The following ERC2 variants were observed in gnomAD, a reference collection of about 807,000 sequenced individuals.
ERC2 encodes the protein ELKS/RAB6-interacting/CAST family member 2, also known as ERC protein 2.
Under a neutral mutation model 114.8 loss-of-function variants are expected in ERC2, and 42 were observed. The ratio of observed to expected loss-of-function variants is 0.37; its 90% CI spans 0.29 to 0.47. ERC2 has a LOEUF of 0.47. Ranked by LOEUF, ERC2 falls within the 20% of genes least tolerant of loss-of-function variation. The probability of loss-of-function intolerance (pLI) is 0.99; values close to 1 mark genes in which losing one functional copy is unlikely to be tolerated. For synonymous variants in ERC2, 454 were observed against 425.5 expected (o/e 1.07, Z -0.82); for missense variants, 939 against 1,150.7 (o/e 0.82, Z 2.66).
At chr3:55,630,919 A>G (rs1384854473) in intron 17 of ERC2, among the ~76,000 whole-genome samples, 2 of 152,090 alleles carry the variant, frequency 1.3e-5, no homozygotes, top group Non-Finnish European at 2.9e-5. Context: ...ACATAAAAAT[A>G]AGAAAGAAGG....
chr3:56,410,603 G>T (rs181309236), intron 2 of ERC2, among the ~76,000 whole-genome samples: 90 of 152,172 alleles, frequency 5.9e-4, no homozygotes, highest in Middle Eastern at 6.8e-3. Context: ...TGAGTTTTCT[G>T]GGGGGGTTGT....
intron 15 of ERC2, among the ~76,000 whole-genome samples, chr3:55,731,094 G>A (rs929096635): frequency 1.3e-5 from 2 of 152,192 alleles, no homozygotes; most frequent in Non-Finnish European, 2.9e-5. Context: ...AAGTACATGC[G>A]CAAGTACAGG....
At chr3:55,635,946 G>A (rs184100551) in intron 17 of ERC2, among the ~76,000 whole-genome samples, 83 of 150,644 alleles carry the variant, frequency 5.5e-4, no homozygotes, top group Admixed American at 1.1e-3. Context: ...TGGTGTGATC[G>A]GCTCACTGCA....
At chr3:55,538,172 C>T (rs1470658337) in intron 17 of ERC2, among the ~76,000 whole-genome samples, 2 of 152,214 alleles carry the variant, frequency 1.3e-5, no homozygotes, top group African/African-American at 4.8e-5. Flanking sequence ...ATCTGAATTT[C>T]ACATCAACCC....
At chr3:56,230,530 G>A (rs2050551882) in intron 3 of ERC2, among the ~76,000 whole-genome samples, 1 of 152,080 alleles carries the variant, frequency 6.6e-6, no homozygotes, top group Non-Finnish European at 1.5e-5. Context: ...AAAGTGCTGG[G>A]ATTACAGACA....
At chr3:55,839,550 A>C (rs2061039799) in intron 14 of ERC2, among the ~76,000 whole-genome samples, 1 of 151,906 alleles carries the variant, frequency 6.6e-6, no homozygotes, top group South Asian at 2.1e-4. Context: ...AAAAGCACAA[A>C]AGACAGAAAG....
chr3:56,305,408 C>A (rs2056153449), intron 2 of ERC2, among the ~76,000 whole-genome samples: 1 of 151,584 alleles, frequency 6.6e-6, no homozygotes, highest in Non-Finnish European at 1.5e-5. Flanking sequence ...ATACGATCAG[C>A]CAATAAACAT....
chr3:55,812,391 T>C (rs982045310), intron 14 of ERC2, among the ~76,000 whole-genome samples: 5 of 152,216 alleles, frequency 3.3e-5, no homozygotes, highest in African/African-American at 1.2e-4. Flanking sequence ...TCCATTAATG[T>C]GATACTCAAA....
chr3:56,041,320 T>C (rs187628053), intron 7 of ERC2, among the ~76,000 whole-genome samples: 5 of 152,238 alleles, frequency 3.3e-5, no homozygotes, highest in Admixed American at 6.5e-5. Flanking sequence ...CCCGGGTCAC[T>C]GATATCACTG....
In ERC2 at chr3:56,435,060, G is replaced by C. The variant is rs1576949926; in HGVS notation, c.-53C>G. On this transcript the variant is annotated 5_prime_UTR_variant, in exon 2 of 18. Coordinates refer to ENST00000288221, the MANE Select transcript of ERC2 (RefSeq NM_015576.3). Reference sequence around the variant, plus strand: ...AGAGAAGAAATGCTATATTAAGTTGGGGTTTGAGCTAATATTTCCACGATT... The same window carrying C: ...AGAGAAGAAATGCTATATTAAGTTGCGGTTTGAGCTAATATTTCCACGATT... 13 of 1,390,860 alleles carry C rather than the reference G, an allele frequency of 9.3e-6. No individual in the cohort carries two copies. The East Asian group carries it at 3.1e-4, about 33-fold the overall frequency. The allele number at this position is 1,390,860 out of a possible 1,614,324, so 86.2% of individuals were successfully genotyped here.
chr3:55,920,415 AACACAC>A (rs10560997), intron 13 of ERC2, among the ~76,000 whole-genome samples: 70 of 146,822 alleles, frequency 4.8e-4, no homozygotes, highest in East Asian at 2.4e-3. Context: ...GGCACACTAA[AACACAC>A]ACACACACAC....
chr3:56,245,131 A>G (rs1274779296), intron 3 of ERC2, among the ~76,000 whole-genome samples: 13 of 151,860 alleles, frequency 8.6e-5, no homozygotes, highest in East Asian at 1.9e-4. Flanking sequence ...CTAATGTCAC[A>G]TTTCTCAGAA....
At chr3:55,842,890 G>A (rs2061198602) in intron 14 of ERC2, among the ~76,000 whole-genome samples, 1 of 152,040 alleles carries the variant, frequency 6.6e-6, no homozygotes, top group South Asian at 2.1e-4. Flanking sequence ...CTATGCAGAA[G>A]GAAAGCAGGT....
At chr3:56,310,845 G>A (rs1286974256) in intron 2 of ERC2, among the ~76,000 whole-genome samples, 2 of 151,872 alleles carry the variant, frequency 1.3e-5, no homozygotes, top group African/African-American at 4.8e-5. Context: ...CAGGTAATCT[G>A]TAGTCACATG....
intron 17 of ERC2, among the ~76,000 whole-genome samples, chr3:55,625,272 C>G (rs1281064502): frequency 2.0e-5 from 3 of 149,748 alleles, no homozygotes; most frequent in Non-Finnish European, 4.4e-5. Flanking sequence ...AAGGCTGAGG[C>G]AAGAGAATCG....
chr3:56,077,527 A>T (rs940485233), intron 7 of ERC2, among the ~76,000 whole-genome samples: 2 of 152,198 alleles, frequency 1.3e-5, no homozygotes, highest in African/African-American at 4.8e-5. Context: ...AATTCTGCAA[A>T]ACATTTGCAT....
chr3:56,068,480 T>A (rs549577795), intron 7 of ERC2, among the ~76,000 whole-genome samples: 14 of 151,858 alleles, frequency 9.2e-5, no homozygotes, highest in African/African-American at 1.4e-4. Flanking sequence ...TTATTTATTT[T>A]TTTCCAAAAA....
intron 2 of ERC2, among the ~76,000 whole-genome samples, chr3:56,345,617 A>G (rs1161156994): frequency 6.6e-6 from 1 of 152,216 alleles, no homozygotes; most frequent in Non-Finnish European, 1.5e-5. Context: ...AGAGCTGGGG[A>G]GTGAAAGACA....
At chr3:56,342,230 G>A (rs1034591906) in intron 2 of ERC2, among the ~76,000 whole-genome samples, 3 of 152,134 alleles carry the variant, frequency 2.0e-5, no homozygotes, top group Non-Finnish European at 4.4e-5. Context: ...TCTTACTCTG[G>A]TTTCAAACCA....
Sources: gnomAD v4.1 joint callset for allele counts (sites outside exome capture counted in the v4.1 genomes callset) on GRCh38, gnomAD v4.1.1 for gene constraint, MANE v1.5 for transcripts, NCBI Gene and HGNC (gene_info 2026-07-23, HGNC 2026-07-21) for gene names.